The following PCDHGA1 variants were observed in gnomAD, a reference collection of about 807,000 sequenced individuals.
PCDHGA1 encodes protocadherin gamma subfamily A, 1.
In PCDHGA1, 32 loss-of-function variants were observed where a neutral mutation model predicts 58.0. The ratio of observed to expected loss-of-function variants is 0.55; its 90% confidence interval spans 0.42 to 0.74. The LOEUF is 0.74. Among genes scored for constraint, PCDHGA1 ranks in the 30% least tolerant of loss-of-function variants. The pLI, the probability that PCDHGA1 is intolerant of heterozygous loss-of-function variation, is 0.00. For missense variants in PCDHGA1, 1,205 were observed against 1,182.3 expected (o/e 1.02, Z -0.28); for synonymous variants, 498 against 501.1 (o/e 0.99, Z 0.08).
chr5:141,352,619 G>T, intron 1 of PCDHGA1: 1 of 1,612,802 alleles, frequency 6.2e-7, no homozygotes. Context: ...GGTTGTATGT[G>T]CCAGTAATGA....
chr5:141,347,843 A>G (rs544582847), intron 1 of PCDHGA1, among the ~76,000 whole-genome samples: 1 of 152,124 alleles, frequency 6.6e-6, no homozygotes, highest in South Asian at 2.1e-4. Flanking sequence ...TGCCTGTTAC[A>G]TATGCCTAAT....
At chr5:141,343,289 A>C in intron 1 of PCDHGA1, 2 of 968,286 alleles carry the variant, frequency 2.1e-6, no homozygotes, top group Non-Finnish European at 2.5e-6. Flanking sequence ...AAAGAAATAT[A>C]ATGTATAAAT....
chr5:141,370,282 G>A, intron 1 of PCDHGA1: 2 of 938,864 alleles, frequency 2.1e-6, no homozygotes, highest in South Asian at 3.9e-5. Context: ...ACACCCATTA[G>A]AGAACCCAAG....
intron 1 of PCDHGA1, chr5:141,400,189 CT>C (rs770137840): frequency 5.6e-6 from 9 of 1,614,056 alleles, no homozygotes; most frequent in Non-Finnish European, 7.6e-6. Context: ...GCAGTTTTAC[CT>C]AGTGGTGGCC....
chr5:141,501,453 C>T (rs567794395), intron 2 of PCDHGA1, among the ~76,000 whole-genome samples: 1 of 152,094 alleles, frequency 6.6e-6, no homozygotes, highest in Non-Finnish European at 1.5e-5. Flanking sequence ...TTTTACTTTT[C>T]ACTATTCCCC....
At position 141,361,648 on chromosome 5, in the gene PCDHGA1, G is replaced by C. The variant is rs1364656645; in HGVS notation, c.2421+28543G>C. 10 of 1,613,678 alleles carry C rather than the reference G, an allele frequency of 6.2e-6. No individual in the cohort carries two copies. Among genetic ancestry groups the C allele is most frequent in the Admixed American group, 5.0e-5 (3 of 60,014 alleles). ...GAAGCCGCGGGAGATTTTATCCTAC[G>C]TGTCCGTGAGCGCGCAGAGCGGGGT... On this transcript the variant is annotated intron_variant, in intron 1 of 3. Coordinates refer to ENST00000517417, the MANE Select transcript of PCDHGA1 (RefSeq NM_018912.3).
intron 1 of PCDHGA1, chr5:141,409,877 G>A: frequency 6.2e-7 from 1 of 1,612,860 alleles, no homozygotes; most frequent in Non-Finnish European, 8.5e-7. Context: ...CAATGACAAC[G>A]CACCGCGGGT....
chr5:141,351,191 T>C, intron 1 of PCDHGA1: 1 of 1,614,014 alleles, frequency 6.2e-7, no homozygotes, highest in Non-Finnish European at 8.5e-7. Context: ...GACAAGTAGA[T>C]ATGTGTTGAG....
chr5:141,371,009 G>A, intron 1 of PCDHGA1: 1 of 1,614,004 alleles, frequency 6.2e-7, no homozygotes, highest in East Asian at 2.2e-5. Context: ...GGGAAGAGCA[G>A]CCACATCACC....
chr5:141,481,794 A>G (rs1433830305), intron 1 of PCDHGA1, among the ~76,000 whole-genome samples: 1 of 152,136 alleles, frequency 6.6e-6, no homozygotes, highest in Non-Finnish European at 1.5e-5. Context: ...TCTACTAAAA[A>G]TACAAAAATT....
chr5:141,506,444 CAAAAA>C (rs1219684339), intron 3 of PCDHGA1, among the ~76,000 whole-genome samples: 4 of 95,024 alleles, frequency 4.2e-5, no homozygotes, highest in Admixed American at 1.1e-4. Flanking sequence ...CGCTCTGTCT[CAAAAA>C]AAAAAAAAAA....
intron 1 of PCDHGA1, chr5:141,427,830 C>T (rs749612858): frequency 7.8e-6 from 12 of 1,538,204 alleles, no homozygotes; most frequent in African/African-American, 1.4e-5. Flanking sequence ...GGTCGCGCAG[C>T]GTGCCTTCGA....
intron 1 of PCDHGA1, chr5:141,382,723 T>TA: frequency 1.9e-6 from 1 of 523,900 alleles, no homozygotes; most frequent in Non-Finnish European, 3.2e-6. Flanking sequence ...CACCGAGTTT[T>TA]ACAGCACAGA....
At chr5:141,501,313 ACAC>A (rs2099807743) in intron 2 of PCDHGA1, among the ~76,000 whole-genome samples, 1 of 151,686 alleles carries the variant, frequency 6.6e-6, no homozygotes, top group Non-Finnish European at 1.5e-5. Context: ...ACACACACAC[ACAC>A]ACACACACAC....
chr5:141,394,276 C>T, intron 1 of PCDHGA1: 2 of 1,613,976 alleles, frequency 1.2e-6, no homozygotes, highest in South Asian at 1.1e-5. Flanking sequence ...GCCCAGGTCA[C>T]TTACTCTGTG....
At chr5:141,495,719 C>T (rs929450759) in intron 2 of PCDHGA1, among the ~76,000 whole-genome samples, 12 of 152,150 alleles carry the variant, frequency 7.9e-5, no homozygotes, top group African/African-American at 2.4e-5. Context: ...AGTAACTACA[C>T]GGGACCCTTA....
At chr5:141,382,916 G>A (rs1778572994) in intron 1 of PCDHGA1, 12 of 1,554,424 alleles carry the variant, frequency 7.7e-6, no homozygotes, top group Non-Finnish European at 9.6e-6. Flanking sequence ...GCTCAGCCGA[G>A]GGGCGGGGAC....
chr5:141,508,777 AG>A (rs1428861784), intron 3 of PCDHGA1, among the ~76,000 whole-genome samples: 3 of 150,778 alleles, frequency 2.0e-5, no homozygotes, highest in Non-Finnish European at 4.4e-5. Context: ...TCCCCCCTCT[AG>A]CCCCTAAATC....
intron 1 of PCDHGA1, chr5:141,423,265 G>T: frequency 6.2e-7 from 1 of 1,613,666 alleles, no homozygotes; most frequent in Non-Finnish European, 8.5e-7. Flanking sequence ...CGGCAGCCTC[G>T]AGTCTCTGGC....
Sources: allele counts gnomAD v4.1 joint callset (sites outside exome capture counted in the v4.1 genomes callset), GRCh38; gene constraint gnomAD v4.1.1; transcripts MANE v1.5; gene names NCBI Gene and HGNC (gene_info 2026-07-23, HGNC 2026-07-21).